COPG2: variants seen among roughly 807,000 people sequenced by gnomAD.
The protein encoded by COPG2 is coatomer subunit gamma-2.
COPG2 carries 37 observed loss-of-function variants against 46.3 expected under a neutral mutation model. That is an observed-to-expected ratio of 0.80 (90% CI 0.61 to 1.05). The LOEUF (loss-of-function observed/expected upper bound fraction) is 1.05, where lower values mean the gene tolerates loss of function less well. Ranked by LOEUF, COPG2 falls within the 50% of genes least tolerant of loss-of-function variation. COPG2 has a pLI of 0.00. For synonymous variants in COPG2, 159 were observed against 129.7 expected, an observed-to-expected ratio of 1.23 and a Z score of -1.53; for missense variants, 427 against 387.8, an observed-to-expected ratio of 1.10 and a Z score of -0.85.
chr7:130,658,165 A>G (rs1795893828), intron 4 of COPG2, among the ~76,000 whole-genome samples: 1 of 152,238 alleles, frequency 6.6e-6, no homozygotes, highest in Admixed American at 6.5e-5. Flanking sequence ...ACTGGCAAAC[A>G]GATAAACAGA....
At chr7:130,577,083 C>A (rs142539856) in intron 9 of COPG2, among the ~76,000 whole-genome samples, 269 of 152,258 alleles carry the variant, frequency 1.8e-3, no homozygotes, top group African/African-American at 6.1e-3. Context: ...ATCCCCTGAA[C>A]AGACCAATAA....
At chr7:130,575,642 A>G (rs1411229083) in intron 9 of COPG2, among the ~76,000 whole-genome samples, 3 of 152,236 alleles carry the variant, frequency 2.0e-5, no homozygotes, top group Non-Finnish European at 4.4e-5. Context: ...AAACAAAAAT[A>G]TAAGTTAAAA....
chr7:130,514,602 C>A (rs1799662891), intron 20 of COPG2, among the ~76,000 whole-genome samples: 1 of 151,990 alleles, frequency 6.6e-6, no homozygotes, highest in South Asian at 2.1e-4. Flanking sequence ...AGAAGGGAGG[C>A]TGAAGATAAG....
At chr7:130,527,915 A>T (rs1584963887) in intron 20 of COPG2, among the ~76,000 whole-genome samples, 2 of 152,088 alleles carry the variant, frequency 1.3e-5, no homozygotes, top group East Asian at 3.9e-4. Context: ...ACTCAGGTGG[A>T]GGAGTGAGGC....
At chr7:130,654,124 C>T (rs943009143) in intron 4 of COPG2, among the ~76,000 whole-genome samples, 25 of 152,198 alleles carry the variant, frequency 1.6e-4, no homozygotes, top group Admixed American at 1.3e-3. Context: ...AACTACCTCA[C>T]ACCCACCAAA....
rs1554440104 is a variant in COPG2 at position 130,506,683 on chromosome 7, A to G, written c.2609T>C (p.Val870Ala). 3 of 779,532 alleles carry G rather than the reference A, an allele frequency of 3.8e-6. No individual in the cohort carries two copies. The highest frequency in any genetic ancestry group is 2.4e-6 in the Non-Finnish European group (1 of 417,210). 48.3% of individuals were successfully genotyped at this position (779,532 alleles called of 1,614,324 possible). Residue 870 changes from valine to alanine, a missense_variant, in exon 24 of 24, where the codon GTT becomes GCT. By Grantham distance (64) the Val-to-Ala change is moderately conservative (BLOSUM62 0). Transcript: ENST00000425248. ...RTPVDVILAS[V>A]G Reference sequence around the variant, plus strand: ...CTCTTGTCCAGTAAGCATTTATCCAACAGAAGCTAAGATAACATCTACAGG... The same window carrying G: ...CTCTTGTCCAGTAAGCATTTATCCAGCAGAAGCTAAGATAACATCTACAGG...
At chr7:130,588,874 C>T (rs1322876807) in intron 9 of COPG2, among the ~76,000 whole-genome samples, 2 of 152,108 alleles carry the variant, frequency 1.3e-5, no homozygotes, top group African/African-American at 4.8e-5. Context: ...TCCCAGCTCC[C>T]TAAAGATAAT....
At chr7:130,654,976 C>T (rs1410588648) in intron 4 of COPG2, among the ~76,000 whole-genome samples, 3 of 151,546 alleles carry the variant, frequency 2.0e-5, no homozygotes, top group African/African-American at 7.3e-5. Flanking sequence ...CTATTTTATG[C>T]TTTATTCTTG....
chr7:130,576,312 A>G (rs1457632272), intron 9 of COPG2, among the ~76,000 whole-genome samples: 1 of 152,256 alleles, frequency 6.6e-6, no homozygotes, highest in Non-Finnish European at 1.5e-5. Context: ...AGGCCATATG[A>G]TAGGCCATAA....
intron 5 of COPG2, among the ~76,000 whole-genome samples, chr7:130,643,112 T>C (rs1033419574): frequency 2.0e-5 from 3 of 151,884 alleles, no homozygotes; most frequent in African/African-American, 7.3e-5. Flanking sequence ...CTGGCTAACA[T>C]GGTGAAACCC....
rs1554458364 is a variant in COPG2, at chr7:130,646,999, GTATATATATATGTA to G, written c.323+5856_323+5869del. On this transcript the variant is annotated intron_variant, in intron 5 of 23. Coordinates refer to ENST00000425248, the MANE Select transcript of COPG2 (RefSeq NM_012133.6). ...TATATATATGTATATATATATATGTGTATATATATATGTATATATATATATGTGTATATATATAT... is the reference window on the plus strand; with the variant it reads ...TATATATATGTATATATATATATGTGTATATATATATGTGTATATATATAT... 1.0e-3 allele frequency among the ~76,000 whole-genome samples: 39 copies of G among 38,222 alleles called. 2 individuals carry two copies. Among genetic ancestry groups the G allele is most frequent in the Admixed American group, 8.9e-3 (25 of 2,800 alleles). 25.1% of individuals were successfully genotyped at this position (38,222 alleles called of 152,430 possible).
rs1390724731 is a variant in COPG2 at position 130,559,057 on chromosome 7, A to G, written c.1128+1976T>C. On this transcript the variant is annotated intron_variant, in intron 12 of 23. Transcript: ENST00000425248. ...AAATAAAAGGTTGGCAAATATGACTACCTAAAAAAAATAACACTTTTGCAT... is the reference window on the plus strand; with the variant it reads ...AAATAAAAGGTTGGCAAATATGACTGCCTAAAAAAAATAACACTTTTGCAT... Among the ~76,000 whole-genome samples, 3 of 152,348 alleles carry G rather than the reference A, an allele frequency of 2.0e-5. No homozygotes were observed. The East Asian group carries it at 5.8e-4, about 29-fold the overall frequency.
At chr7:130,528,344 A>C (rs1437961605) in intron 20 of COPG2, among the ~76,000 whole-genome samples, 4 of 151,696 alleles carry the variant, frequency 2.6e-5, no homozygotes, top group Non-Finnish European at 5.9e-5. Context: ...GGGAATTGAG[A>C]AGGTTTTGGG....
intron 8 of COPG2, among the ~76,000 whole-genome samples, chr7:130,611,594 A>C (rs1794850381): frequency 6.6e-6 from 1 of 152,186 alleles, no homozygotes; most frequent in Non-Finnish European, 1.5e-5. Flanking sequence ...AAAAATGACT[A>C]CTCTGTTTCC....
chr7:130,529,622 A>AGCT (rs1231529025), intron 20 of COPG2, among the ~76,000 whole-genome samples: 1 of 152,196 alleles, frequency 6.6e-6, no homozygotes, highest in Non-Finnish European at 1.5e-5. Context: ...ATGAAGCAAT[A>AGCT]GCTCCAGCAG....
At chr7:130,538,365 G>C (rs1180474663) in intron 20 of COPG2, among the ~76,000 whole-genome samples, 2 of 152,058 alleles carry the variant, frequency 1.3e-5, no homozygotes, top group African/African-American at 4.8e-5. Context: ...GGAGGGGAAA[G>C]AACATCATGA....
At chr7:130,640,273 G>C (rs1371649603) in intron 5 of COPG2, among the ~76,000 whole-genome samples, 1 of 148,060 alleles carries the variant, frequency 6.8e-6, no homozygotes, top group Non-Finnish European at 1.5e-5. Context: ...TCTGCCCTTG[G>C]GTCAAACTCA....
At chr7:130,593,794 T>C (rs377534015) in intron 9 of COPG2, among the ~76,000 whole-genome samples, 158 of 152,180 alleles carry the variant, frequency 1.0e-3, no homozygotes, top group African/African-American at 3.5e-3. Flanking sequence ...TCCAGGTAGA[T>C]TACAAACCTA....
chr7:130,515,137 T>C lies in COPG2; in HGVS notation c.2150-6478A>G, dbSNP rs1438523879. Among the ~76,000 whole-genome samples, 395 of 152,228 alleles carry C rather than the reference T, an allele frequency of 2.6e-3. 7 individuals are homozygous for C. Among genetic ancestry groups the C allele is most frequent in the Non-Finnish European group, 2.5e-4 (17 of 68,018 alleles). On this transcript the variant is annotated intron_variant, in intron 20 of 23. Coordinates refer to ENST00000425248, the MANE Select transcript of COPG2 (RefSeq NM_012133.6). ...CCCCCAGACCTAGTCAGTCAGAAAC[T>C]CAGGGTGCATTAATCTGTTCTCACA...
Sources: gnomAD v4.1 joint callset for allele counts (sites outside exome capture counted in the v4.1 genomes callset) on GRCh38, gnomAD v4.1.1 for gene constraint, MANE v1.5 for transcripts, NCBI Gene and HGNC (gene_info 2026-07-23, HGNC 2026-07-21) for gene names.